FAM185A: variants seen among roughly 807,000 people sequenced by gnomAD.
The protein encoded by FAM185A is protein FAM185A.
In FAM185A, 21 loss-of-function variants were observed where a neutral mutation model predicts 45.7. That is an observed-to-expected ratio of 0.46 (90% CI 0.33 to 0.66). FAM185A has a LOEUF of 0.66. Among genes scored for constraint, FAM185A ranks in the 30% least tolerant of loss-of-function variants. The pLI is 0.03. For synonymous variants in FAM185A, 117 were observed against 194.0 expected (o/e 0.60, Z 3.30); for missense variants, 305 against 485.4 (o/e 0.63, Z 3.49).
chr7:102,825,659 C>A, the FAM185A span, among the ~76,000 whole-genome samples: 1 of 152,168 alleles, frequency 6.6e-6, no homozygotes. Context: ...ATAATGCTAT[C>A]TACAATATAA....
At chr7:102,792,808 C>T (rs1036137190) in intron 7 of FAM185A, among the ~76,000 whole-genome samples, 1 of 150,884 alleles carries the variant, frequency 6.6e-6, no homozygotes, top group African/African-American at 2.4e-5. Flanking sequence ...CTTAGCTTGT[C>T]TAAAGGACAG....
chr7:102,826,769 A>ATATATATATGTATG, the FAM185A span, among the ~76,000 whole-genome samples: 6 of 100,742 alleles, frequency 6.0e-5, no homozygotes, highest in African/African-American at 2.3e-4. Context: ...ATATATATAT[A>ATATATATATGTATG]TATGTATATA....
the FAM185A span, among the ~76,000 whole-genome samples, chr7:102,820,382 A>G: frequency 6.6e-6 from 1 of 152,250 alleles, no homozygotes; most frequent in South Asian, 2.1e-4. Flanking sequence ...TTTCACAGCT[A>G]TAGCTGGTTA....
At chr7:102,757,339 T>C (rs1396434955) in intron 2 of FAM185A, among the ~76,000 whole-genome samples, 3 of 152,202 alleles carry the variant, frequency 2.0e-5, no homozygotes, top group Non-Finnish European at 4.4e-5. Context: ...CCTGATAAAG[T>C]GATTTACCTT....
intron 5 of FAM185A, among the ~76,000 whole-genome samples, chr7:102,774,061 T>C (rs1160071914): frequency 1.3e-5 from 2 of 152,116 alleles, no homozygotes; most frequent in Non-Finnish European, 2.9e-5. Flanking sequence ...TGAATCACAT[T>C]GTATCTTCCA....
chr7:102,849,374 G>A, the FAM185A span, among the ~76,000 whole-genome samples: 16 of 152,322 alleles, frequency 1.1e-4, no homozygotes, highest in Non-Finnish European at 2.1e-4. Flanking sequence ...TGCGTGTGCT[G>A]TGGTTTCCAC....
At chr7:102,813,322 T>C (rs114315743), downstream of FAM185A, 526 of 1,571,244 alleles carry the variant, frequency 3.3e-4, 2 homozygotes, top group African/African-American at 6.5e-3. Flanking sequence ...TTTTTTGTTC[T>C]TCCTGCTTGA....
At chr7:102,802,987 G>T (rs1486617512) in intron 7 of FAM185A, among the ~76,000 whole-genome samples, 3 of 152,040 alleles carry the variant, frequency 2.0e-5, no homozygotes, top group Non-Finnish European at 2.9e-5. Context: ...AAATCAGGAA[G>T]AATTAGATAC....
At chr7:102,811,075 A>C (rs1434385929), downstream of FAM185A, among the ~76,000 whole-genome samples, 2 of 152,310 alleles carry the variant, frequency 1.3e-5, no homozygotes, top group South Asian at 4.1e-4. Flanking sequence ...TATACTATTA[A>C]GTAGAGGAAA....
the FAM185A span, among the ~76,000 whole-genome samples, chr7:102,832,525 CA>C: frequency 6.6e-6 from 1 of 152,236 alleles, no homozygotes; most frequent in African/African-American, 2.4e-5. Context: ...TCAGTTCCTA[CA>C]AATACTAAGT....
chr7:102,782,525 C>T (rs895814090), intron 6 of FAM185A, among the ~76,000 whole-genome samples: 7 of 152,110 alleles, frequency 4.6e-5, no homozygotes, highest in African/African-American at 1.7e-4. Flanking sequence ...AATTTTCAAC[C>T]CAGAATTTCA....
intron 2 of FAM185A, chr7:102,755,194 G>C: frequency 2.4e-6 from 1 of 422,270 alleles, no homozygotes. Context: ...TCTGGCCCCT[G>C]CTTTTGTGAA....
At chr7:102,749,708 G>A in intron 1 of FAM185A, 50 bp downstream of exon 1, 2 of 1,494,446 alleles carry the variant, frequency 1.3e-6, no homozygotes, top group Non-Finnish European at 1.8e-6. Context: ...AACGCACAGT[G>A]AACTTAATAA....
At chr7:102,779,045 G>A (rs1190148554) in intron 6 of FAM185A, among the ~76,000 whole-genome samples, 1 of 152,148 alleles carries the variant, frequency 6.6e-6, no homozygotes, top group Non-Finnish European at 1.5e-5. Flanking sequence ...CTTGGGCCTG[G>A]GAGTCACACC....
the FAM185A span, among the ~76,000 whole-genome samples, chr7:102,836,156 ATTC>A: frequency 6.6e-6 from 1 of 152,150 alleles, no homozygotes; most frequent in Non-Finnish European, 1.5e-5. Context: ...AAGCTCTAAT[ATTC>A]TTTAAAGACA....
chr7:102,797,306 C>CA (rs1487712388), intron 7 of FAM185A, among the ~76,000 whole-genome samples: 2 of 151,512 alleles, frequency 1.3e-5, no homozygotes, highest in Non-Finnish European at 2.9e-5. Flanking sequence ...ACTAAAAATA[C>CA]AAAAAAATTA....
At chr7:102,839,427 C>A in the FAM185A span, among the ~76,000 whole-genome samples, 1 of 152,228 alleles carries the variant, frequency 6.6e-6, no homozygotes. Flanking sequence ...TACTTTGTCT[C>A]TGTGTCTTAT....
At chr7:102,781,538 C>T (rs928822098) in intron 6 of FAM185A, among the ~76,000 whole-genome samples, 1 of 152,194 alleles carries the variant, frequency 6.6e-6, no homozygotes, top group South Asian at 2.1e-4. Flanking sequence ...CTGCTGATAC[C>T]CAGGCAAACG....
the FAM185A span, among the ~76,000 whole-genome samples, chr7:102,834,360 ACTT>A: frequency 2.4e-4 from 36 of 147,176 alleles, no homozygotes; most frequent in East Asian, 2.0e-4. Context: ...TACTAAAGAT[ACTT>A]CTTATTTATA....
Sources: gnomAD v4.1 joint callset for allele counts (sites outside exome capture counted in the v4.1 genomes callset) on GRCh38, gnomAD v4.1.1 for gene constraint, MANE v1.5 for transcripts, NCBI Gene and HGNC (gene_info 2026-07-23, HGNC 2026-07-21) for gene names.